TASP1: variants seen among roughly 807,000 people sequenced by gnomAD.
The protein encoded by TASP1 is threonine aspartase 1.
TASP1 carries 16 observed loss-of-function variants against 56.6 expected under a neutral mutation model. That is an observed-to-expected ratio of 0.28 (90% CI 0.19 to 0.43). The LOEUF (loss-of-function observed/expected upper bound fraction) is 0.43. Among genes scored for constraint, TASP1 ranks in the 20% least tolerant of loss-of-function variants. The pLI is 1.00. For synonymous variants in TASP1, 179 were observed against 184.2 expected (o/e 0.97, Z 0.23); for missense variants, 393 against 511.6 (o/e 0.77, Z 2.24).
the TASP1 span, among the ~76,000 whole-genome samples, chr20:13,266,947 G>T: frequency 3.9e-5 from 6 of 152,202 alleles, no homozygotes; most frequent in African/African-American, 1.4e-4. Context: ...TGTGCAGTAA[G>T]TCCCTTTGAG....
intron 10 of TASP1, among the ~76,000 whole-genome samples, chr20:13,526,920 T>C (rs926886029): frequency 6.6e-6 from 1 of 152,026 alleles, no homozygotes; most frequent in Non-Finnish European, 1.5e-5. Context: ...GAGTCTGATA[T>C]GTATACACAG....
the TASP1 span, chr20:13,164,862 G>A: frequency 1.2e-6 from 2 of 1,612,392 alleles, no homozygotes; most frequent in Non-Finnish European, 1.7e-6. Context: ...TGAACTCGAA[G>A]ATTAAGTTTC....
chr20:13,438,059 C>CTAATTTATAGATTCAATGCCCAAGG (rs1171365699), intron 11 of TASP1, among the ~76,000 whole-genome samples: 19 of 151,912 alleles, frequency 1.3e-4, no homozygotes, highest in Non-Finnish European at 2.5e-4. Context: ...CAAGTCAATC[C>CTAATTTATAGATTCAATGCCCAAGG]TAATTTATAG....
chr20:13,500,677 G>A (rs2043914421), intron 10 of TASP1, among the ~76,000 whole-genome samples: 1 of 151,844 alleles, frequency 6.6e-6, no homozygotes, highest in Non-Finnish European at 1.5e-5. Context: ...GCAAACAAAA[G>A]GATCATTGAA....
intron 12 of TASP1, among the ~76,000 whole-genome samples, chr20:13,434,635 G>T (rs1049481633): frequency 1.3e-5 from 2 of 152,164 alleles, no homozygotes; most frequent in African/African-American, 4.8e-5. Context: ...AGCCAGGACT[G>T]ACCTCTAAGG....
chr20:13,357,994 AC>A, the TASP1 span, among the ~76,000 whole-genome samples: 1 of 152,118 alleles, frequency 6.6e-6, no homozygotes, highest in Non-Finnish European at 1.5e-5. Context: ...GCCCTGCCGC[AC>A]CTTAACTGAT....
At chr20:13,374,281 G>A in the TASP1 span, among the ~76,000 whole-genome samples, 8 of 151,818 alleles carry the variant, frequency 5.3e-5, no homozygotes, top group East Asian at 1.4e-3. Flanking sequence ...GTGAGCATCC[G>A]TGTGTGTGTG....
At chr20:13,442,643 A>G (rs1176946789) in intron 11 of TASP1, among the ~76,000 whole-genome samples, 1 of 151,656 alleles carries the variant, frequency 6.6e-6, no homozygotes, top group Non-Finnish European at 1.5e-5. Context: ...CTCTGTCTTT[A>G]AAAACAAACA....
intron 6 of TASP1, among the ~76,000 whole-genome samples, chr20:13,580,011 T>C (rs1462401148): frequency 6.6e-6 from 1 of 152,242 alleles, no homozygotes; most frequent in Non-Finnish European, 1.5e-5. Context: ...ATGCTGAGCA[T>C]AGACTAAGTG....
the TASP1 span, among the ~76,000 whole-genome samples, chr20:13,355,019 G>A: frequency 1.3e-5 from 2 of 152,102 alleles, no homozygotes; most frequent in Non-Finnish European, 2.9e-5. Context: ...TATGAAGAGT[G>A]ACAATTTAGC....
intron 11 of TASP1, among the ~76,000 whole-genome samples, chr20:13,472,909 T>C (rs147401398): frequency 0.03 from 4,507 of 150,242 alleles, 94 homozygotes; most frequent in African/African-American, 0.047. Flanking sequence ...AGTTCAACCA[T>C]TGTGGAAGAC....
the TASP1 span, among the ~76,000 whole-genome samples, chr20:13,201,706 A>C: frequency 6.6e-6 from 1 of 151,984 alleles, no homozygotes; most frequent in Non-Finnish European, 1.5e-5. Context: ...AAAATGAAGA[A>C]AAGTTTGGGA....
chr20:13,386,653 T>C (rs112486161), downstream of TASP1, among the ~76,000 whole-genome samples: 5,591 of 152,202 alleles, frequency 0.037, 127 homozygotes, highest in African/African-American at 0.057. Context: ...TGGTATGCAA[T>C]ATTACCACTC....
chr20:13,478,045 T>A (rs1007488179), intron 11 of TASP1, among the ~76,000 whole-genome samples: 1 of 151,582 alleles, frequency 6.6e-6, no homozygotes, highest in Non-Finnish European at 1.5e-5. Flanking sequence ...GGTGGCGGAG[T>A]TTTTTCAAAT....
the TASP1 span, among the ~76,000 whole-genome samples, chr20:13,240,764 A>G: frequency 6.6e-6 from 1 of 152,170 alleles, no homozygotes; most frequent in African/African-American, 2.4e-5. Context: ...ACCAGGGTAG[A>G]GAAGAGTGGA....
chr20:13,526,660 T>C (rs1400778815), intron 10 of TASP1, among the ~76,000 whole-genome samples: 1 of 152,184 alleles, frequency 6.6e-6, no homozygotes, highest in African/African-American at 2.4e-5. Context: ...CTCAAAACCA[T>C]GTTTTTCCAC....
At chr20:13,202,523 T>C in the TASP1 span, among the ~76,000 whole-genome samples, 1 of 152,226 alleles carries the variant, frequency 6.6e-6, no homozygotes, top group African/African-American at 2.4e-5. Flanking sequence ...ACTATGTCCA[T>C]CTTTAGCACA....
At chr20:13,305,715 A>G in the TASP1 span, among the ~76,000 whole-genome samples, 2 of 152,242 alleles carry the variant, frequency 1.3e-5, no homozygotes, top group Non-Finnish European at 2.9e-5. Flanking sequence ...TTACCATATG[A>G]GAGTAGAAGG....
intron 4 of TASP1, among the ~76,000 whole-genome samples, chr20:13,590,184 A>G (rs1231563895): frequency 6.6e-6 from 1 of 152,124 alleles, no homozygotes; most frequent in African/African-American, 2.4e-5. Flanking sequence ...GTGAGCCAAG[A>G]TCTTGCACCA....
Sources: gnomAD v4.1 joint callset for allele counts (sites outside exome capture counted in the v4.1 genomes callset) on GRCh38, gnomAD v4.1.1 for gene constraint, MANE v1.5 for transcripts, NCBI Gene and HGNC (gene_info 2026-07-23, HGNC 2026-07-21) for gene names.